The following WDPCP variants were observed in gnomAD, a reference collection of about 807,000 sequenced individuals.
The protein encoded by WDPCP is WD repeat-containing and planar cell polarity effector protein fritz homolog.
A neutral mutation model predicts 93.1 loss-of-function variants in WDPCP; 71 were observed. The ratio of observed to expected loss-of-function variants is 0.76; its 90% CI spans 0.63 to 0.93. The LOEUF is 0.93. Ranked by LOEUF, WDPCP falls within the 40% of genes least tolerant of loss-of-function variation. The pLI is 0.00. For missense variants in WDPCP, 844 were observed against 887.4 expected (o/e 0.95, Z 0.62); for synonymous variants, 315 against 315.0 (o/e 1.00, Z 0.00).
At chr2:63,832,258 TG>T (rs1390357206), upstream of WDPCP, among the ~76,000 whole-genome samples, 2 of 152,228 alleles carry the variant, frequency 1.3e-5, no homozygotes, top group South Asian at 4.1e-4. Flanking sequence ...TCATGTAGCT[TG>T]TCATTTTCCA....
At chr2:63,132,793 C>G (rs930009395) in intron 17 of WDPCP, among the ~76,000 whole-genome samples, 4 of 152,046 alleles carry the variant, frequency 2.6e-5, no homozygotes, top group Non-Finnish European at 2.9e-5. Flanking sequence ...ACTGTTTGAA[C>G]ATATTTAAAA....
chr2:63,799,969 G>C (rs1670671391), intron 2 of WDPCP, among the ~76,000 whole-genome samples: 1 of 152,112 alleles, frequency 6.6e-6, no homozygotes, highest in Admixed American at 6.5e-5. Context: ...ATGCAATTGT[G>C]ATGACATAGA....
intron 2 of WDPCP, among the ~76,000 whole-genome samples, chr2:63,712,029 A>T (rs1276249621): frequency 1.3e-5 from 2 of 152,154 alleles, no homozygotes; most frequent in Admixed American, 6.6e-5. Flanking sequence ...AGAGAGAGGA[A>T]TAGTTCTTGG....
At chr2:63,744,144 G>A (rs1669761698) in intron 2 of WDPCP, among the ~76,000 whole-genome samples, 1 of 152,102 alleles carries the variant, frequency 6.6e-6, no homozygotes, top group South Asian at 2.1e-4. Flanking sequence ...CAGTCATAGT[G>A]TTCTTGGATG....
At chr2:63,575,498 A>ACTGTATACACAGTATATACGGT (rs1708013936) in intron 1 of WDPCP, among the ~76,000 whole-genome samples, 1 of 88,406 alleles carries the variant, frequency 1.1e-5, no homozygotes, top group African/African-American at 4.2e-5. Context: ...TAGTATATAC[A>ACTGTATACACAGTATATACGGT]GTATATACAC....
intron 17 of WDPCP, among the ~76,000 whole-genome samples, chr2:63,148,395 G>A (rs114632409): frequency 0.019 from 2,869 of 152,212 alleles, 98 homozygotes; most frequent in African/African-American, 0.066. Flanking sequence ...GCTGGAGTGC[G>A]GTGGCATGAC....
intron 2 of WDPCP, among the ~76,000 whole-genome samples, chr2:63,801,737 A>G (rs909674338): frequency 1.1e-4 from 16 of 152,238 alleles, no homozygotes; most frequent in Non-Finnish European, 1.8e-4. Context: ...GCGTTTTACA[A>G]TCCTCCTGCA....
chr2:63,153,077 T>G lies in WDPCP; in HGVS notation c.2159-132A>C, dbSNP rs182069308. ...TACAATGCTGAGAACTCTAGAGAAATAAAAAACCAAACCTTAACATAGTAT... is the reference window on the plus strand; with the variant it reads ...TACAATGCTGAGAACTCTAGAGAAAGAAAAAACCAAACCTTAACATAGTAT... On this transcript the variant is annotated intron_variant, in intron 16 of 17. Coordinates refer to ENST00000272321, the MANE Select transcript of WDPCP (RefSeq NM_015910.7). 12 of 749,364 alleles carry G rather than the reference T, an allele frequency of 1.6e-5. No homozygotes were observed. In the South Asian group the frequency reaches 2.1e-4, roughly 13 times the overall value. 46.4% of individuals were successfully genotyped at this position (749,364 alleles called of 1,614,324 possible).
chr2:63,495,445 T>C (rs533037574), intron 1 of WDPCP, among the ~76,000 whole-genome samples: 10 of 152,380 alleles, frequency 6.6e-5, no homozygotes, highest in African/African-American at 2.2e-4. Context: ...TTAACTAAAA[T>C]ACTTACTGTA....
chr2:63,125,936 C>CT (rs757992440), intron 17 of WDPCP, among the ~76,000 whole-genome samples: 415 of 123,140 alleles, frequency 3.4e-3, no homozygotes, highest in Middle Eastern at 0.018. Context: ...TTTACACAAG[C>CT]TTTTTTTTTT....
At chr2:63,417,075 T>C (rs1422387381) in intron 9 of WDPCP, among the ~76,000 whole-genome samples, 1 of 152,156 alleles carries the variant, frequency 6.6e-6, no homozygotes, top group Non-Finnish European at 1.5e-5. Flanking sequence ...AAATTAAAAA[T>C]AATGTAACTA....
chr2:63,481,017 A>G (rs1164549439), intron 6 of WDPCP, among the ~76,000 whole-genome samples: 3 of 152,182 alleles, frequency 2.0e-5, no homozygotes, highest in African/African-American at 7.2e-5. Flanking sequence ...CAGAATCTAC[A>G]ATGAACTCAA....
upstream of WDPCP, chr2:63,589,496 T>C (rs1709112272): frequency 2.5e-5 from 27 of 1,060,096 alleles, 1 homozygote; most frequent in South Asian, 3.3e-4. Context: ...GCTGGAAAGG[T>C]AGTATTTACC....
chr2:63,504,689 A>G (rs1159453992), intron 1 of WDPCP, among the ~76,000 whole-genome samples: 4 of 152,018 alleles, frequency 2.6e-5, no homozygotes, highest in Admixed American at 2.0e-4. Flanking sequence ...GACTTGTATA[A>G]TTAATCCATG....
At chr2:63,372,005 G>A (rs1691433491) in intron 12 of WDPCP, among the ~76,000 whole-genome samples, 1 of 152,124 alleles carries the variant, frequency 6.6e-6, no homozygotes, top group Non-Finnish European at 1.5e-5. Context: ...AAGAAAAGAG[G>A]TTTAATTGGC....
intron 3 of WDPCP, chr2:63,622,946 G>T: frequency 1.1e-6 from 1 of 888,230 alleles, no homozygotes; most frequent in Middle Eastern, 3.3e-4. Context: ...CAGGCTCGTA[G>T]CTCAGTCACC....
chr2:63,296,158 C>T (rs1020685377), intron 13 of WDPCP, among the ~76,000 whole-genome samples: 1 of 150,192 alleles, frequency 6.7e-6, no homozygotes, highest in African/African-American at 2.5e-5. Context: ...AATTGTGATT[C>T]ACCACATAAA....
intron 13 of WDPCP, among the ~76,000 whole-genome samples, chr2:63,266,565 T>A (rs1682137748): frequency 2.0e-5 from 3 of 152,164 alleles, no homozygotes; most frequent in Non-Finnish European, 4.4e-5. Flanking sequence ...CCCAGCACTT[T>A]GGGACGCTGA....
At chr2:63,589,723 C>T (rs775499949), upstream of WDPCP, among the ~76,000 whole-genome samples, 6 of 152,058 alleles carry the variant, frequency 3.9e-5, no homozygotes, top group Non-Finnish European at 5.9e-5. Context: ...ACAGAGTAAC[C>T]ATTTTGTCAT....
Sources: allele counts gnomAD v4.1 joint callset (sites outside exome capture counted in the v4.1 genomes callset), GRCh38; gene constraint gnomAD v4.1.1; transcripts MANE v1.5; gene names NCBI Gene and HGNC (gene_info 2026-07-23, HGNC 2026-07-21).